Variants in CPXM2 observed in about 807,000 individuals in gnomAD.
CPXM2 encodes the protein carboxypeptidase X, M14 family member 2, also known as inactive carboxypeptidase-like protein X2.
A neutral mutation model predicts 86.1 loss-of-function variants in CPXM2; 66 were observed. That is an observed-to-expected ratio of 0.77 (90% CI 0.63 to 0.94). The LOEUF is 0.94. Ranked by LOEUF, CPXM2 falls within the 40% of genes least tolerant of loss-of-function variation. CPXM2 has a pLI of 0.00. For missense variants in CPXM2, 948 were observed against 1,026.3 expected (o/e 0.92, Z 1.04); for synonymous variants, 388 against 400.2 (o/e 0.97, Z 0.36).
intron 3 of CPXM2, among the ~76,000 whole-genome samples, chr10:123,852,527 G>A (rs1848624383): frequency 6.6e-6 from 1 of 152,198 alleles, no homozygotes; most frequent in Non-Finnish European, 1.5e-5. Flanking sequence ...AGTCAACACA[G>A]TGACTAGGTT....
At chr10:123,920,362 T>C (rs1338930110) in intron 2 of CPXM2, among the ~76,000 whole-genome samples, 1 of 146,308 alleles carries the variant, frequency 6.8e-6, no homozygotes, top group Non-Finnish European at 1.5e-5. Flanking sequence ...CACCAGTAGT[T>C]ATAAATTTAA....
rs376249274 is a variant in CPXM2, at chr10:123,780,227, G to T, written c.918C>A (p.Asn306Lys). ...CCAGGTCATCAGTGGTGGTCATCTC[G>T]TTCCGGCGGTGATAATAATTATTAG... ...PDPNNYYHRR[N>K]EMTTTDDLDF... Residue 306 changes from asparagine (N) to lysine (K), a missense_variant, in exon 7 of 14, where the codon AAC (asparagine) becomes AAA (lysine). By Grantham distance (94) the Asn-to-Lys change is moderately conservative. Transcript: ENST00000241305. The T allele has an allele frequency of 1.2e-6, 2 of 1,609,318 alleles. No homozygotes were observed. The highest frequency in any genetic ancestry group is 1.7e-6 in the Non-Finnish European group (2 of 1,175,674).
chr10:123,909,134 C>T (rs1945467724), intron 2 of CPXM2, among the ~76,000 whole-genome samples: 1 of 152,178 alleles, frequency 6.6e-6, no homozygotes, highest in South Asian at 2.1e-4. Flanking sequence ...CAACCTCAGG[C>T]ATAGCGGATC....
chr10:123,826,276 G>A (rs142188899), intron 4 of CPXM2, among the ~76,000 whole-genome samples: 1 of 152,174 alleles, frequency 6.6e-6, no homozygotes, highest in Non-Finnish European at 1.5e-5. Flanking sequence ...TCCCCTGCAA[G>A]ATTATGCTTC....
At chr10:123,863,604 T>C (rs760462820) in intron 2 of CPXM2, among the ~76,000 whole-genome samples, 26 of 152,186 alleles carry the variant, frequency 1.7e-4, no homozygotes, top group Non-Finnish European at 2.5e-4. Flanking sequence ...CCATCCTGCC[T>C]ACCAGAAATG....
chr10:123,833,674 A>G (rs1228293945), intron 4 of CPXM2, among the ~76,000 whole-genome samples: 2 of 152,250 alleles, frequency 1.3e-5, no homozygotes, highest in Admixed American at 6.5e-5. Context: ...GAGGCTTGGA[A>G]GGGCAAGATG....
chr10:123,822,742 T>G (rs908896521), intron 4 of CPXM2, among the ~76,000 whole-genome samples: 18 of 151,576 alleles, frequency 1.2e-4, no homozygotes, highest in South Asian at 1.0e-3. Flanking sequence ...ATAATAATAA[T>G]AATAATAATA....
chr10:123,897,924 T>C (rs1415274255), intron 2 of CPXM2, among the ~76,000 whole-genome samples: 1 of 152,192 alleles, frequency 6.6e-6, no homozygotes, highest in Non-Finnish European at 1.5e-5. Flanking sequence ...CCTCTTTCTA[T>C]CCTCCCAGTC....
In CPXM2 at chr10:123,880,201, C is replaced by T. The variant is rs374309430; in HGVS notation, c.403+10G>A. 11 of 1,088,110 alleles carry T rather than the reference C, an allele frequency of 1.0e-5. No homozygotes were observed. Among genetic ancestry groups the T allele is most frequent in the African/African-American group, 1.7e-5 (1 of 57,730 alleles). The allele number at this position is 1,088,110 out of a possible 1,614,324, so 67.4% of individuals were successfully genotyped here. A position where few individuals can be genotyped will look rare whatever the true frequency, so the allele number is the denominator to read the frequency against. On this transcript the variant is annotated intron_variant, in intron 2 of 13. Transcript: ENST00000241305. Reference sequence around the variant, plus strand: ...GACTGGTGTAGGGGCTCTCCGAGAGCCTCACTTACTCTCTCTGACATCTTC... The same window carrying T: ...GACTGGTGTAGGGGCTCTCCGAGAGTCTCACTTACTCTCTCTGACATCTTC...
At chr10:123,943,560 C>A (rs1258912423), upstream of CPXM2, among the ~76,000 whole-genome samples, 1 of 152,162 alleles carries the variant, frequency 6.6e-6, no homozygotes, top group Non-Finnish European at 1.5e-5. Flanking sequence ...CCCTTGGGCC[C>A]CACAGGGAGT....
chr10:123,925,117 A>T (rs1351904856), intron 2 of CPXM2, among the ~76,000 whole-genome samples: 1 of 145,252 alleles, frequency 6.9e-6, no homozygotes, highest in South Asian at 2.3e-4. Flanking sequence ...TGATTTATTT[A>T]TATATATTCA....
At chr10:123,776,623 C>T (rs1027747879) in intron 7 of CPXM2, 1 of 152,206 alleles carries the variant, frequency 6.6e-6, no homozygotes, top group Non-Finnish European at 1.5e-5. Context: ...CATCCACTCA[C>T]CAGAACATTC....
Position 123,757,269 on chromosome 10 carries a change from G to A in CPXM2, c.1861C>T (p.Gln621Ter). ...VGCDKYPHES[Q>*]LPEEWENNRE... ...TTATTCTCCCACTCCTCGGGCAGCTGGCTCTCATGTGGGTATTTATCACAG... is the reference window on the plus strand; with the variant it reads ...TTATTCTCCCACTCCTCGGGCAGCTAGCTCTCATGTGGGTATTTATCACAG... The change falls in exon 12 of 14, where the codon CAG (glutamine) becomes TAG (stop). Residue 621 changes from glutamine to a stop codon, truncating the protein, a stop_gained. Transcript: ENST00000241305. LOFTEE classifies it high-confidence loss of function. 2 of 1,613,860 alleles carry A rather than the reference G, an allele frequency of 1.2e-6. No individual in the cohort carries two copies. Among genetic ancestry groups the A allele is most frequent in the Non-Finnish European group, 1.7e-6 (2 of 1,179,766 alleles).
At chr10:123,774,943 C>G (rs555571798) in intron 7 of CPXM2, among the ~76,000 whole-genome samples, 18 of 152,294 alleles carry the variant, frequency 1.2e-4, no homozygotes, top group African/African-American at 4.3e-4. Flanking sequence ...AGAACAGGAA[C>G]AATACGTTCC....
At chr10:123,811,530 G>C (rs936985385) in intron 4 of CPXM2, among the ~76,000 whole-genome samples, 4 of 152,126 alleles carry the variant, frequency 2.6e-5, no homozygotes, top group Non-Finnish European at 5.9e-5. Context: ...TAACCATGGA[G>C]TATGGAAGAA....
intron 2 of CPXM2, among the ~76,000 whole-genome samples, chr10:123,924,940 C>T (rs532285601): frequency 5.3e-4 from 81 of 151,886 alleles, no homozygotes; most frequent in South Asian, 1.9e-3. Flanking sequence ...ACCTTATTGA[C>T]GAGAAAATTC....
chr10:123,781,666 G>A (rs957731912), intron 6 of CPXM2, among the ~76,000 whole-genome samples: 4 of 152,174 alleles, frequency 2.6e-5, no homozygotes, highest in South Asian at 2.1e-4. Flanking sequence ...GTGGAGCAGC[G>A]AGGCCAGATC....
At chr10:123,902,809 C>T (rs946113994) in intron 2 of CPXM2, among the ~76,000 whole-genome samples, 3 of 152,200 alleles carry the variant, frequency 2.0e-5, no homozygotes, top group Non-Finnish European at 4.4e-5. Flanking sequence ...GACCGCGACA[C>T]AGAGTGAACA....
intron 11 of CPXM2, among the ~76,000 whole-genome samples, chr10:123,761,304 C>G: frequency 6.6e-6 from 1 of 152,230 alleles, no homozygotes; most frequent in East Asian, 1.9e-4. Flanking sequence ...TGGAACCGTC[C>G]TCACCACAGG....
Sources: allele counts gnomAD v4.1 joint callset (sites outside exome capture counted in the v4.1 genomes callset), GRCh38; gene constraint gnomAD v4.1.1; transcripts MANE v1.5; gene names NCBI Gene and HGNC (gene_info 2026-07-23, HGNC 2026-07-21).